Variants in PARG observed in about 807,000 individuals in gnomAD.
PARG encodes the protein poly(ADP-ribose) glycohydrolase, also known as mitochondrial poly(ADP-ribose) glycohydrolase.
PARG carries 35 observed loss-of-function variants against 113.0 expected under a neutral mutation model. That is an observed-to-expected ratio of 0.31 (90% CI 0.24 to 0.41). PARG has a LOEUF of 0.41. Among genes scored for constraint, PARG ranks in the 10% least tolerant of loss-of-function variants. PARG has a pLI of 1.00. For synonymous variants in PARG, 330 were observed against 409.9 expected (o/e 0.81, Z 2.36); for missense variants, 797 against 1,169.4 (o/e 0.68, Z 4.64).
At chr10:49,912,846 T>C (rs1837275607) in intron 7 of PARG, among the ~76,000 whole-genome samples, 2 of 152,080 alleles carry the variant, frequency 1.3e-5, no homozygotes. Context: ...CACATGCCTG[T>C]AGTCCCAGCT....
In PARG at chr10:49,912,979, A is replaced by T. The variant is rs540428415; in HGVS notation, c.1737+2938T>A. Reference sequence around the variant, plus strand: ...AAAAAAATAAAAGAACCCTTTATAAACAAGCATTCCTAGTACAGAACATAA... The same window carrying T: ...AAAAAAATAAAAGAACCCTTTATAATCAAGCATTCCTAGTACAGAACATAA... On this transcript the variant is annotated intron_variant, in intron 7 of 17. Coordinates refer to ENST00000616448, the MANE Select transcript of PARG (RefSeq NM_003631.5). Among the ~76,000 whole-genome samples, 123 of 152,346 alleles carry T rather than the reference A, an allele frequency of 8.1e-4. 1 individual carries two copies. Among genetic ancestry groups the T allele is most frequent in the Non-Finnish European group, 1.6e-3 (108 of 68,024 alleles).
chr10:49,828,831 C>T (rs1184796608), intron 16 of PARG, among the ~76,000 whole-genome samples: 6 of 152,066 alleles, frequency 3.9e-5, no homozygotes, highest in East Asian at 1.9e-4. Flanking sequence ...GCTATGATCG[C>T]GCCATTGCAC....
intron 13 of PARG, among the ~76,000 whole-genome samples, chr10:49,848,874 A>T (rs572581149): frequency 6.6e-6 from 1 of 152,234 alleles, no homozygotes; most frequent in East Asian, 1.9e-4. Context: ...CTAATATAAA[A>T]TACTAGTGAG....
Position 49,933,639 on chromosome 10 carries a change from T to A in PARG, c.809A>T (p.Asp270Val). 2 of 1,609,932 alleles carry A rather than the reference T, an allele frequency of 1.2e-6. No individual in the cohort carries two copies. The highest frequency in any genetic ancestry group is 8.5e-7 in the Non-Finnish European group (1 of 1,176,216). Residue 270 changes from aspartate (D) to valine (V), a missense_variant, in exon 3 of 18, where the codon GAT becomes GTT. By Grantham distance (152) the Asp-to-Val change is radical. Around this residue, in one of 5 missense-constraint regions of PARG, gnomAD observed 284 missense variants for 306.1 expected, o/e 0.93. Transcript: ENST00000616448. ...ESPLSDVGSE[D>V]VGTGPKNDNK... ...GTCATTTTTTGGCCCAGTACCAACATCCTCAGAGCCAACATCTGACAATGG... is the reference window on the plus strand; with the variant it reads ...GTCATTTTTTGGCCCAGTACCAACAACCTCAGAGCCAACATCTGACAATGG...
At chr10:49,927,406 G>GAAAT (rs1369235846) in intron 4 of PARG, among the ~76,000 whole-genome samples, 1 of 101,556 alleles carries the variant, frequency 9.8e-6, no homozygotes, top group African/African-American at 2.8e-5. Flanking sequence ...AAGAAAGAAA[G>GAAAT]AAAGAAAGAA....
Position 49,819,199 on chromosome 10 carries a change from T to TAA in PARG, c.*140_*141insTT, listed in dbSNP as rs1843942016. The TAA allele has an allele frequency of 1.6e-6, 1 of 644,088 alleles. No individual in the cohort carries two copies. The highest frequency in any genetic ancestry group is 1.8e-5 in the African/African-American group (1 of 54,148). The allele number at this position is 644,088 out of a possible 1,614,324, so 39.9% of individuals were successfully genotyped here. ...GTACCAACTGACAACTGCACATGTG[T>TAA]GGAAGAGATTGCGTCCTTGACTACA... On this transcript the variant is annotated 3_prime_UTR_variant, in exon 18 of 18. Transcript: ENST00000616448.
At chr10:49,927,506 G>C (rs1464279039) in intron 4 of PARG, among the ~76,000 whole-genome samples, 1 of 151,746 alleles carries the variant, frequency 6.6e-6, no homozygotes, top group Non-Finnish European at 1.5e-5. Flanking sequence ...GAAGAAAAAA[G>C]GACCTATGAA....
intron 6 of PARG, 88 bp from the exon 7 acceptor site, chr10:49,916,079 T>A (rs1315716992): frequency 1.4e-6 from 1 of 732,998 alleles, no homozygotes; most frequent in East Asian, 2.7e-5. Context: ...TTACCTCCAG[T>A]ACATTTCATA....
chr10:49,890,006 GAA>G, intron 7 of PARG, among the ~76,000 whole-genome samples: 1 of 152,288 alleles, frequency 6.6e-6, no homozygotes, highest in Middle Eastern at 3.4e-3. Flanking sequence ...TGCAAGTAGG[GAA>G]AAGTTATTTA....
At chr10:49,937,267 G>A (rs1838794177) in intron 1 of PARG, among the ~76,000 whole-genome samples, 2 of 152,188 alleles carry the variant, frequency 1.3e-5, no homozygotes, top group South Asian at 4.1e-4. Context: ...ACAAGGTCAG[G>A]AGATTGAGAC....
At chr10:49,929,852 A>G (rs1385107058) in intron 4 of PARG, among the ~76,000 whole-genome samples, 2 of 151,180 alleles carry the variant, frequency 1.3e-5, no homozygotes, top group South Asian at 2.1e-4. Flanking sequence ...AAAGAAATAC[A>G]GTTTTTATAG....
chr10:49,842,687 C>T (rs1252136374), intron 14 of PARG, among the ~76,000 whole-genome samples: 1 of 152,080 alleles, frequency 6.6e-6, no homozygotes, highest in African/African-American at 2.4e-5. Context: ...ATGTAAAATC[C>T]CAAATATTTA....
intron 7 of PARG, among the ~76,000 whole-genome samples, chr10:49,899,671 C>T (rs564449916): frequency 6.6e-6 from 1 of 152,080 alleles, no homozygotes; most frequent in East Asian, 1.9e-4. Flanking sequence ...TGGAGAGGTA[C>T]AAAATCAGTG....
intron 9 of PARG, among the ~76,000 whole-genome samples, chr10:49,870,138 T>C (rs1280048575): frequency 6.6e-6 from 1 of 151,454 alleles, no homozygotes; most frequent in African/African-American, 2.4e-5. Flanking sequence ...ATCCCTAATA[T>C]AGCTAAATTT....
chr10:49,832,912 C>A lies in PARG; in HGVS notation c.2542-4G>T. ...GACGGAGAAATCCACAGTAAGCCTG[C>A]AGGATAAAAGAATTATCAAAGCCTG... On this transcript the variant is annotated splice_region_variant and splice_polypyrimidine_tract_variant and intron_variant, in intron 15 of 17. Coordinates refer to ENST00000616448, the MANE Select transcript of PARG (RefSeq NM_003631.5). The A allele has an allele frequency of 6.6e-7, 1 of 1,506,884 alleles. No individual in the cohort carries two copies. The highest frequency in any genetic ancestry group is 9.0e-7 in the Non-Finnish European group (1 of 1,107,598). The allele number at this position is 1,506,884 out of a possible 1,614,324, so 93.3% of individuals were successfully genotyped here. A position where few individuals can be genotyped will look rare whatever the true frequency, so the allele number is the denominator to read the frequency against.
intron 8 of PARG, among the ~76,000 whole-genome samples, chr10:49,880,873 AGAATT>A (rs1224885517): frequency 6.6e-6 from 1 of 152,232 alleles, no homozygotes; most frequent in African/African-American, 2.4e-5. Flanking sequence ...AGACCTTGAA[AGAATT>A]GAAGTATTTT....
At chr10:49,939,884 C>T (rs1163104131) in intron 1 of PARG, among the ~76,000 whole-genome samples, 1 of 152,150 alleles carries the variant, frequency 6.6e-6, no homozygotes, top group Non-Finnish European at 1.5e-5. Context: ...ACTGCCCGAG[C>T]TCTGCCCAGC....
At chr10:49,912,161 G>A (rs1238272836) in intron 7 of PARG, among the ~76,000 whole-genome samples, 1 of 152,004 alleles carries the variant, frequency 6.6e-6, no homozygotes, top group African/African-American at 2.4e-5. Context: ...TTAGCCAGGT[G>A]TGGTGGTGCA....
At chr10:49,892,733 C>A (rs1200603973) in intron 7 of PARG, among the ~76,000 whole-genome samples, 1 of 152,012 alleles carries the variant, frequency 6.6e-6, no homozygotes, top group Non-Finnish European at 1.5e-5. Context: ...TTTTTTAATG[C>A]GTTTTGAGGT....
Sources: gnomAD v4.1 joint callset for allele counts (sites outside exome capture counted in the v4.1 genomes callset) on GRCh38, gnomAD v4.1.1 for gene constraint, gnomAD v4.1.1 regional missense constraint, MANE v1.5 for transcripts, NCBI Gene and HGNC (gene_info 2026-07-23, HGNC 2026-07-21) for gene names.